Variants in SEC24B observed in about 807,000 individuals in gnomAD.
The protein encoded by SEC24B is SEC24 homolog B, COPII component, also known as protein transport protein Sec24B.
In SEC24B, 45 loss-of-function variants were observed where a neutral mutation model predicts 142.8. That is an observed-to-expected ratio of 0.32 (90% confidence interval 0.25 to 0.40). The LOEUF is 0.40. SEC24B is among the 10% of genes least tolerant of loss of function. The pLI, the probability that SEC24B is intolerant of heterozygous loss-of-function variation, is 1.00. For synonymous variants in SEC24B, 574 were observed against 568.2 expected, an observed-to-expected ratio of 1.01 and a Z score of -0.15; for missense variants, 1,409 against 1,526.8, an observed-to-expected ratio of 0.92 and a Z score of 1.29.
At chr4:109,463,707 T>C in intron 2 of SEC24B, 63 bp downstream of exon 2, 1 of 1,549,046 alleles carries the variant, frequency 6.5e-7, no homozygotes. Flanking sequence ...AATTAAGTTA[T>C]TATTTACATG....
At chr4:109,494,213 G>T (rs184629159) in intron 5 of SEC24B, among the ~76,000 whole-genome samples, 2 of 152,072 alleles carry the variant, frequency 1.3e-5, no homozygotes, top group Admixed American at 6.5e-5. Context: ...TCAGCACTTT[G>T]GTAGGCCGAG....
chr4:109,457,808 G>A (rs1274098903), intron 1 of SEC24B, among the ~76,000 whole-genome samples: 1 of 152,092 alleles, frequency 6.6e-6, no homozygotes, highest in Non-Finnish European at 1.5e-5. Context: ...CTTTTCTTCT[G>A]TATGTATATT....
At chr4:109,478,538 AC>A (rs1416884411) in intron 3 of SEC24B, among the ~76,000 whole-genome samples, 5 of 152,164 alleles carry the variant, frequency 3.3e-5, no homozygotes, top group African/African-American at 1.2e-4. Flanking sequence ...TTGAAGTATT[AC>A]CCTATTTTAT....
At position 109,463,155 on chromosome 4, in the gene SEC24B, A is replaced by T; in HGVS notation, c.388A>T (p.Thr130Ser). Residue 130 changes from threonine to serine, a missense_variant, in exon 2 of 24, where the codon ACT becomes TCT. Transcript: ENST00000265175. ...TCCTGCCCCTCATATTGTGGGATCC[A>T]CTCTAGGATCTTTCCAAGGTGCTGC... Reference protein sequence around the residue: ...GPPAPHIVGSTLGSFQGAASS... With the variant: ...GPPAPHIVGSSLGSFQGAASS... 1.9e-6 allele frequency: 3 copies of T among 1,614,008 alleles called. No homozygotes were observed. The highest frequency in any genetic ancestry group is 1.7e-6 in the Non-Finnish European group (2 of 1,179,990).
intron 1 of SEC24B, among the ~76,000 whole-genome samples, chr4:109,444,612 G>A (rs1729267144): frequency 6.6e-6 from 1 of 151,982 alleles, no homozygotes; most frequent in Admixed American, 6.6e-5. Context: ...CTGAAAGGAG[G>A]TTATGCTACT....
chr4:109,524,701 C>T, intron 14 of SEC24B, 117 bp from the exon 15 acceptor site: 2 of 827,906 alleles, frequency 2.4e-6, no homozygotes, highest in South Asian at 4.7e-5. Flanking sequence ...AATGCCTAGA[C>T]ATTTAGAAAA....
intron 1 of SEC24B, among the ~76,000 whole-genome samples, chr4:109,442,212 G>T (rs1728995891): frequency 6.6e-6 from 1 of 152,064 alleles, no homozygotes; most frequent in African/African-American, 2.4e-5. Context: ...ACCACTAAAT[G>T]GATACCATCC....
In SEC24B at chr4:109,481,560, T is replaced by C. The variant is rs1424604808; in HGVS notation, c.1061-117T>C. 2.7e-5 allele frequency: 18 copies of C among 676,904 alleles called. No individual in the cohort carries two copies. In the East Asian group the frequency reaches 4.3e-4, roughly 16 times the overall value. The allele number at this position is 676,904 out of a possible 1,614,324, so 41.9% of individuals were successfully genotyped here. ...ATGAATTTGCTAATATTAATATGCA[T>C]GTTGGGATGTTCTTTGGAATGTCAG... On this transcript the variant is annotated intron_variant, in intron 3 of 23. Coordinates refer to ENST00000265175, the MANE Select transcript of SEC24B (RefSeq NM_006323.5).
chr4:109,521,221 T>C, intron 13 of SEC24B, 49 bp downstream of exon 13: 2 of 1,180,666 alleles, frequency 1.7e-6, no homozygotes, highest in Non-Finnish European at 2.5e-6. Context: ...ATATTGTGAC[T>C]GGTAACTAAA....
Position 109,538,613 on chromosome 4 carries a change from C to T in SEC24B, c.3692+17C>T. ...CATAGTAAAGTAAGTACTTTTGTAA[C>T]TTAATTATGAAGTTGTCTTTCCTAT... On this transcript the variant is annotated intron_variant, in intron 23 of 23. Coordinates refer to ENST00000265175, the MANE Select transcript of SEC24B (RefSeq NM_006323.5). The T allele has an allele frequency of 6.7e-7, 1 of 1,487,490 alleles. No homozygotes were observed. Among genetic ancestry groups the T allele is most frequent in the South Asian group, 1.1e-5 (1 of 88,078 alleles). 92.1% of individuals were successfully genotyped at this position (1,487,490 alleles called of 1,614,324 possible).
intron 1 of SEC24B, 122 bp downstream of exon 1, chr4:109,434,124 A>G: frequency 1.5e-6 from 1 of 649,386 alleles, no homozygotes; most frequent in Non-Finnish European, 1.9e-6. Flanking sequence ...GGCCCGAGGG[A>G]CGGGAGCGGG....
At chr4:109,443,433 G>T (rs981815801) in intron 1 of SEC24B, among the ~76,000 whole-genome samples, 1 of 151,928 alleles carries the variant, frequency 6.6e-6, no homozygotes, top group Non-Finnish European at 1.5e-5. Flanking sequence ...TTAGAGACGA[G>T]ATCTCACTGT....
At chr4:109,491,084 A>G (rs67473696) in intron 4 of SEC24B, among the ~76,000 whole-genome samples, 26,546 of 152,046 alleles carry the variant, frequency 0.17, 2,614 homozygotes, top group African/African-American at 0.27. Context: ...TCTCTAAGAT[A>G]CTTTACATGT....
intron 2 of SEC24B, among the ~76,000 whole-genome samples, chr4:109,470,404 A>G (rs1452184131): frequency 1.3e-5 from 2 of 152,234 alleles, no homozygotes; most frequent in Non-Finnish European, 2.9e-5. Flanking sequence ...CACTTTGAGT[A>G]TGAGGGCCAT....
At chr4:109,474,257 T>A (rs1169481085) in intron 3 of SEC24B, among the ~76,000 whole-genome samples, 1 of 152,198 alleles carries the variant, frequency 6.6e-6, no homozygotes, top group African/African-American at 2.4e-5. Flanking sequence ...CCAGTAGAAG[T>A]TTTGTTTATC....
chr4:109,437,970 A>C (rs988111265), intron 1 of SEC24B, among the ~76,000 whole-genome samples: 4 of 152,206 alleles, frequency 2.6e-5, no homozygotes, highest in Admixed American at 2.6e-4. Context: ...TTGTATATAG[A>C]TCCCTGATAG....
intron 11 of SEC24B, among the ~76,000 whole-genome samples, chr4:109,519,442 A>G (rs1723364820): frequency 6.6e-6 from 1 of 152,362 alleles, no homozygotes; most frequent in East Asian, 1.9e-4. Context: ...CAACAAATGT[A>G]TAATATGTTT....
At chr4:109,437,100 C>T (rs562401194) in intron 1 of SEC24B, among the ~76,000 whole-genome samples, 2 of 152,256 alleles carry the variant, frequency 1.3e-5, no homozygotes, top group East Asian at 3.9e-4. Flanking sequence ...GGGGAGCCAT[C>T]TTGTGGGACT....
At chr4:109,504,664 T>C (rs972142812) in intron 6 of SEC24B, among the ~76,000 whole-genome samples, 8 of 152,196 alleles carry the variant, frequency 5.3e-5, no homozygotes, top group Non-Finnish European at 8.8e-5. Context: ...ATTTCACTTA[T>C]ACCACTGCTA....
Sources: allele counts gnomAD v4.1 joint callset (sites outside exome capture counted in the v4.1 genomes callset), GRCh38; gene constraint gnomAD v4.1.1; transcripts MANE v1.5; gene names NCBI Gene and HGNC (gene_info 2026-07-23, HGNC 2026-07-21).